MYH14: variants seen among roughly 807,000 people sequenced by gnomAD.
MYH14 encodes myosin heavy chain 14.
In MYH14, 123 loss-of-function variants were observed where a neutral mutation model predicts 255.5. That is an observed-to-expected ratio of 0.48 (90% CI 0.42 to 0.56). The LOEUF is 0.56. Ranked by LOEUF, MYH14 falls within the 20% of genes least tolerant of loss-of-function variation. The probability of loss-of-function intolerance (pLI) is 0.00; values close to 1 mark genes in which losing one functional copy is unlikely to be tolerated. For missense variants in MYH14, 2,423 were observed against 2,802.3 expected, an observed-to-expected ratio of 0.86 and a Z score of 3.06; for synonymous variants, 1,095 against 1,161.2, an observed-to-expected ratio of 0.94 and a Z score of 1.16.
chr19:50,241,890 C>T (rs559150288), intron 10 of MYH14, among the ~76,000 whole-genome samples: 43 of 152,198 alleles, frequency 2.8e-4, no homozygotes, highest in Admixed American at 7.9e-4. Flanking sequence ...ATGATCTTCC[C>T]GCCTTTGCCC....
At chr19:50,247,613 G>A (rs775845569) in intron 12 of MYH14, among the ~76,000 whole-genome samples, 1 of 152,176 alleles carries the variant, frequency 6.6e-6, no homozygotes, top group Non-Finnish European at 1.5e-5. Flanking sequence ...GATGGTGAGA[G>A]CACCTGTGAA....
At chr19:50,253,070 A>G (rs1285793233) in intron 16 of MYH14, among the ~76,000 whole-genome samples, 1 of 152,222 alleles carries the variant, frequency 6.6e-6, no homozygotes, top group Non-Finnish European at 1.5e-5. Context: ...AGCCTATGCA[A>G]TCAGACCAGA....
At chr19:50,242,654 A>G (rs185161088) in intron 10 of MYH14, among the ~76,000 whole-genome samples, 1 of 152,292 alleles carries the variant, frequency 6.6e-6, no homozygotes, top group African/African-American at 2.4e-5. Context: ...TCGATCCACA[A>G]ATCGTGAAAA....
chr19:50,230,419 C>T lies in MYH14; in HGVS notation c.875-106C>T, dbSNP rs1335793925. The T allele has an allele frequency of 4.0e-6, 4 of 1,002,914 alleles. No individual in the cohort carries two copies. The Admixed American group carries it at 6.1e-5, about 15-fold the overall frequency. 62.1% of individuals were successfully genotyped at this position (1,002,914 alleles called of 1,614,324 possible). On this transcript the variant is annotated intron_variant, in intron 8 of 42. Transcript: ENST00000642316. This position sits in a 1 kb window ranked among gnomAD's most constrained non-coding sequence, Gnocchi z 4.7. ...GCCTGGGCTGTGAGCGACTCCACTA[C>T]ACCACAGGAGAGAAGGGGGCAGCGT... is the stretch of plus-strand genomic sequence containing the variant.
rs1181523586 is a variant in MYH14 at position 50,280,121 on chromosome 19, G to A, written c.4117G>A (p.Ala1373Thr). 1.2e-6 allele frequency: 2 copies of A among 1,606,536 alleles called. No individual in the cohort carries two copies. Among genetic ancestry groups the A allele is most frequent in the Non-Finnish European group, 1.7e-6 (2 of 1,176,762 alleles). Residue 1373 changes from alanine (A) to threonine (T), a missense_variant, in exon 31 of 43, where the codon GCC becomes ACC. Transcript: ENST00000642316. This position sits in a 1 kb window ranked among gnomAD's most constrained non-coding sequence, Gnocchi z 4.8. ...RLSKELSSTE[A>T]QLHDAQELLQ... ...TAGCAAGGAGCTGAGCAGCACAGAA[G>A]CCCAGCTGCACGATGCCCAGGTGAC...
intron 10 of MYH14, among the ~76,000 whole-genome samples, chr19:50,241,668 G>GTC (rs999757726): frequency 2.6e-5 from 4 of 151,126 alleles, no homozygotes; most frequent in Middle Eastern, 3.4e-3. Context: ...TTGAGGCAGG[G>GTC]TCTCTCTCTC....
At chr19:50,245,887 G>A (rs868186293) in intron 11 of MYH14, among the ~76,000 whole-genome samples, 12 of 151,988 alleles carry the variant, frequency 7.9e-5, no homozygotes, top group African/African-American at 2.9e-4. Flanking sequence ...GAATGCTTTC[G>A]GGATAACTTT....
At chr19:50,270,048 A>G (rs2035235346) in intron 24 of MYH14, among the ~76,000 whole-genome samples, 1 of 152,138 alleles carries the variant, frequency 6.6e-6, no homozygotes, top group Non-Finnish European at 1.5e-5. Context: ...CCCTTTCTCT[A>G]CAAAAACAAA....
chr19:50,208,826 C>G (rs538129652), intron 1 of MYH14, among the ~76,000 whole-genome samples: 1 of 152,066 alleles, frequency 6.6e-6, no homozygotes, highest in East Asian at 1.9e-4. Context: ...TGGTGTGTAT[C>G]TTACACTTAG....
chr19:50,289,613 G>A lies in MYH14; in HGVS notation c.4930G>A (p.Ala1644Thr). 1 of 1,612,306 alleles carries A rather than the reference G, an allele frequency of 6.2e-7. No homozygotes were observed. Among genetic ancestry groups the A allele is most frequent in the Middle Eastern group, 1.7e-4 (1 of 5,874 alleles). ...GCGTGACCTGCAGGGCCGTGATGAG[G>A]CTGGTGAAGAGAGGCGGAGGCAGCT... ...HERDLQGRDE[A>T]GEERRRQLAK... The change falls in exon 35 of 43, where the codon GCT becomes ACT. Residue 1644 changes from alanine to threonine, a missense_variant. Around this residue, in one of 3 missense-constraint regions of MYH14, gnomAD observed 1,513 missense variants for 1,674.8 expected, o/e 0.90. Coordinates refer to ENST00000642316, the MANE Select transcript of MYH14 (RefSeq NM_001145809.2).
At chr19:50,263,197 T>C in intron 21 of MYH14, 115 bp from the exon 22 acceptor site, 1 of 742,516 alleles carries the variant, frequency 1.3e-6, no homozygotes, top group Non-Finnish European at 2.1e-6. Flanking sequence ...AGACTCTGTC[T>C]CAGAAAAACA....
At chr19:50,223,004 C>A in intron 3 of MYH14, 79 bp from the exon 4 acceptor site, 1 of 1,347,834 alleles carries the variant, frequency 7.4e-7, no homozygotes. Flanking sequence ...TTTTAAAATG[C>A]AGCGGCCAGT....
chr19:50,248,168 G>GC (rs1448022510), intron 12 of MYH14, among the ~76,000 whole-genome samples: 1 of 152,146 alleles, frequency 6.6e-6, no homozygotes, highest in Non-Finnish European at 1.5e-5. Flanking sequence ...AGAAATGTCA[G>GC]CAAGGGGCAG....
At chr19:50,215,714 G>C (rs2032440806) in intron 2 of MYH14, among the ~76,000 whole-genome samples, 1 of 152,200 alleles carries the variant, frequency 6.6e-6, no homozygotes, top group Admixed American at 6.5e-5. Context: ...ATCTGCTTGG[G>C]AGGCTGAGGT....
rs2035696435 is a variant in MYH14, at chr19:50,280,913, G to A, written c.4290+530G>A. Among the ~76,000 whole-genome samples the A allele has an allele frequency of 6.6e-6, 1 of 152,038 alleles. No individual in the cohort carries two copies. The highest frequency in any genetic ancestry group is 2.4e-5 in the African/African-American group (1 of 41,378). On this transcript the variant is annotated intron_variant, in intron 32 of 42. Coordinates refer to ENST00000642316, the MANE Select transcript of MYH14 (RefSeq NM_001145809.2). This position sits in a 1 kb window ranked among gnomAD's most constrained non-coding sequence, Gnocchi z 4.8. ...AAAACCTTTTATTTTTCCAGACTTA[G>A]CATTAGGCTCCCCTGTGGGAAGTTT... is the stretch of plus-strand genomic sequence containing the variant.
chr19:50,310,195 C>T lies in MYH14; in HGVS notation c.*405C>T, dbSNP rs537716543. ...CTTCTCTCTCTCTCTCTCTCTCTCC[C>T]TCCCTCTCCTTCCCTACCCTCTCAC... is the stretch of plus-strand genomic sequence containing the variant. On this transcript the variant is annotated 3_prime_UTR_variant, in exon 43 of 43. Coordinates refer to ENST00000642316, the MANE Select transcript of MYH14 (RefSeq NM_001145809.2). The T allele has an allele frequency of 7.3e-6, 2 of 275,256 alleles. No individual in the cohort carries two copies. The highest frequency in any genetic ancestry group is 1.1e-4 in the Admixed American group (2 of 18,472). The allele number at this position is 275,256 out of a possible 1,614,324, so 17.1% of individuals were successfully genotyped here.
intron 18 of MYH14, among the ~76,000 whole-genome samples, chr19:50,258,155 C>T (rs949134805): frequency 4.6e-5 from 7 of 152,096 alleles, no homozygotes; most frequent in Admixed American, 4.6e-4. Flanking sequence ...CTCTCGAACT[C>T]CTGAGCTCAA....
chr19:50,276,882 A>G lies in MYH14; in HGVS notation c.3806A>G (p.Gln1269Arg). ...CAGGCCCTGGGGGAGCTGGCGGAGC[A>G]GCTGGAGCAGGCCCGGAGGGTGGGT... ...HGQALGELAE[Q>R]LEQARRGKGA... The change falls in exon 29 of 43, where the codon CAG (glutamine) becomes CGG (arginine). Residue 1269 changes from glutamine (Q) to arginine (R), a missense_variant. Transcript: ENST00000642316. This position sits in a 1 kb window ranked among gnomAD's most constrained non-coding sequence, Gnocchi z 4.3. 5 of 1,495,836 alleles carry G rather than the reference A, an allele frequency of 3.3e-6. No individual in the cohort carries two copies. The highest frequency in any genetic ancestry group is 3.6e-6 in the Non-Finnish European group (4 of 1,110,712). 92.7% of individuals were successfully genotyped at this position (1,495,836 alleles called of 1,614,324 possible).
chr19:50,259,265 G>A lies in MYH14; in HGVS notation c.2354G>A (p.Arg785Gln), dbSNP rs1442852878. The A allele has an allele frequency of 6.4e-7, 1 of 1,573,888 alleles. No individual in the cohort carries two copies. Among genetic ancestry groups the A allele is most frequent in the East Asian group, 2.3e-5 (1 of 42,932 alleles). The change falls in exon 19 of 43, where the codon CGA becomes CAA. Residue 785 changes from arginine to glutamine, a missense_variant and splice_region_variant. By Grantham distance (43) the Arg-to-Gln change is conservative. Transcript: ENST00000642316. ...NRILFQEFRQ[R>Q]YEILTPNAIP... ...ATCCTCTTCCAGGAGTTCCGGCAGCGGTGAGCTAGAGCGAGGGCCCAGGCC... is the reference window on the plus strand; with the variant it reads ...ATCCTCTTCCAGGAGTTCCGGCAGCAGTGAGCTAGAGCGAGGGCCCAGGCC...
Sources: allele counts gnomAD v4.1 joint callset (sites outside exome capture counted in the v4.1 genomes callset), GRCh38; gene constraint gnomAD v4.1.1; regional missense constraint gnomAD v4.1.1; non-coding constraint Gnocchi (gnomAD v3.1); transcripts MANE v1.5; gene names NCBI Gene and HGNC (gene_info 2026-07-23, HGNC 2026-07-21).